The following NCALD variants were observed in gnomAD, a reference collection of about 807,000 sequenced individuals.
NCALD encodes the protein neurocalcin delta.
A neutral mutation model predicts 18.6 loss-of-function variants in NCALD; 10 were observed. The ratio of observed to expected loss-of-function variants is 0.54; its 90% CI spans 0.33 to 0.91. The LOEUF (loss-of-function observed/expected upper bound fraction) is 0.91, where lower values mean the gene tolerates loss of function less well. Ranked by LOEUF, NCALD falls within the 40% of genes least tolerant of loss-of-function variation. The probability of loss-of-function intolerance (pLI) is 0.03; values close to 1 mark genes in which losing one functional copy is unlikely to be tolerated. For synonymous variants in NCALD, 88 were observed against 87.4 expected (o/e 1.01, Z -0.04); for missense variants, 184 against 247.6 (o/e 0.74, Z 1.72).
chr8:101,752,370 T>A (rs187177090), intron 1 of NCALD, among the ~76,000 whole-genome samples: 39 of 152,310 alleles, frequency 2.6e-4, no homozygotes, highest in Non-Finnish European at 4.6e-4. Context: ...GTGGAAGAAT[T>A]AAAAACTAAC....
chr8:101,799,347 A>C (rs1812753099), intron 4 of NCALD, among the ~76,000 whole-genome samples: 1 of 152,234 alleles, frequency 6.6e-6, no homozygotes, highest in Admixed American at 6.5e-5. Flanking sequence ...AAACTAATAA[A>C]GATACTATGA....
At chr8:101,878,428 T>C (rs1816321733) in intron 4 of NCALD, among the ~76,000 whole-genome samples, 1 of 152,230 alleles carries the variant, frequency 6.6e-6, no homozygotes, top group African/African-American at 2.4e-5. Context: ...AGCTGCATAA[T>C]AGAAAGCCAT....
intron 4 of NCALD, among the ~76,000 whole-genome samples, chr8:101,868,397 G>T (rs530653688): frequency 6.6e-6 from 1 of 152,202 alleles, no homozygotes; most frequent in South Asian, 2.1e-4. Context: ...GGGTCGGAAG[G>T]CAGGACACCT....
At chr8:101,797,534 G>A (rs1240725387) in intron 4 of NCALD, among the ~76,000 whole-genome samples, 1 of 152,110 alleles carries the variant, frequency 6.6e-6, no homozygotes, top group African/African-American at 2.4e-5. Context: ...AAATGAATGT[G>A]GAGGCCAAGT....
At chr8:102,080,195 G>A (rs952565735) in intron 1 of NCALD, among the ~76,000 whole-genome samples, 12 of 152,200 alleles carry the variant, frequency 7.9e-5, no homozygotes, top group Middle Eastern at 3.2e-3. Flanking sequence ...GGCAGCCAGC[G>A]GTGTTTGCTA....
At chr8:101,727,782 G>A (rs932530888) in intron 1 of NCALD, among the ~76,000 whole-genome samples, 39 of 152,176 alleles carry the variant, frequency 2.6e-4, no homozygotes, top group African/African-American at 9.4e-4. Flanking sequence ...CTGGCCCTGG[G>A]CCATCTCTGA....
chr8:101,778,722 C>T (rs1196105912), intron 1 of NCALD, among the ~76,000 whole-genome samples: 1 of 152,092 alleles, frequency 6.6e-6, no homozygotes, highest in Non-Finnish European at 1.5e-5. Context: ...AGAGACCTAA[C>T]ATCTCCTAGA....
At chr8:101,936,425 C>A (rs945638582) in intron 2 of NCALD, among the ~76,000 whole-genome samples, 20 of 152,036 alleles carry the variant, frequency 1.3e-4, no homozygotes, top group African/African-American at 4.3e-4. Context: ...AAGGGAGAAA[C>A]AGCCAAGAGG....
intron 1 of NCALD, among the ~76,000 whole-genome samples, chr8:101,731,256 T>C (rs923956063): frequency 2.6e-5 from 4 of 152,074 alleles, no homozygotes; most frequent in African/African-American, 4.8e-5. Flanking sequence ...GGCCAGGTGA[T>C]GTGGGGCCTG....
chr8:101,720,372 TTTC>T (rs1478236801), intron 1 of NCALD, among the ~76,000 whole-genome samples: 7 of 152,216 alleles, frequency 4.6e-5, no homozygotes, highest in African/African-American at 1.2e-4. Context: ...AACTTTGCAT[TTTC>T]TTATCATGGC....
chr8:101,918,881 T>A (rs1818065384), intron 2 of NCALD, among the ~76,000 whole-genome samples: 1 of 151,988 alleles, frequency 6.6e-6, no homozygotes, highest in South Asian at 2.1e-4. Flanking sequence ...GTTAAAACAT[T>A]CCATGCTCAT....
At chr8:101,963,761 G>A (rs1277785523) in intron 2 of NCALD, among the ~76,000 whole-genome samples, 1 of 152,102 alleles carries the variant, frequency 6.6e-6, no homozygotes, top group Non-Finnish European at 1.5e-5. Flanking sequence ...AAATTCAAAT[G>A]AGGGCATCAC....
intron 1 of NCALD, among the ~76,000 whole-genome samples, chr8:102,091,446 G>A (rs1824920646): frequency 6.6e-6 from 1 of 152,196 alleles, no homozygotes; most frequent in Non-Finnish European, 1.5e-5. Context: ...ATCTCTGACT[G>A]CTGCTCAGAA....
chr8:101,900,777 A>G (rs1586724546), intron 3 of NCALD, among the ~76,000 whole-genome samples: 2 of 151,918 alleles, frequency 1.3e-5, no homozygotes, highest in East Asian at 3.8e-4. Context: ...TTTATGGTAT[A>G]TTTTGGTATA....
intron 1 of NCALD, among the ~76,000 whole-genome samples, chr8:101,725,268 G>C (rs1816523228): frequency 1.3e-5 from 2 of 152,208 alleles, no homozygotes; most frequent in Non-Finnish European, 1.5e-5. Context: ...TGAACATCAA[G>C]GGAGAAGAAG....
At chr8:101,800,785 T>C (rs1417799259) in intron 4 of NCALD, among the ~76,000 whole-genome samples, 1 of 147,756 alleles carries the variant, frequency 6.8e-6, no homozygotes, top group Non-Finnish European at 1.5e-5. Flanking sequence ...AGAGGATCAC[T>C]TGAACCCAGG....
intron 4 of NCALD, among the ~76,000 whole-genome samples, chr8:101,868,912 C>T (rs964357544): frequency 6.6e-6 from 1 of 152,182 alleles, no homozygotes; most frequent in African/African-American, 2.4e-5. Context: ...TGTATTTTGT[C>T]TAATTCTTTG....
At chr8:101,759,440 A>G (rs1811023669) in intron 1 of NCALD, among the ~76,000 whole-genome samples, 1 of 152,150 alleles carries the variant, frequency 6.6e-6, no homozygotes, top group Non-Finnish European at 1.5e-5. Flanking sequence ...TGCTTTTAAT[A>G]TCTTGATACA....
intron 1 of NCALD, among the ~76,000 whole-genome samples, chr8:102,078,194 T>A (rs539860953): frequency 6.6e-6 from 1 of 152,218 alleles, no homozygotes; most frequent in East Asian, 1.9e-4. Context: ...CTCTTCTTTT[T>A]ATCACACCAT....
Sources: allele counts gnomAD v4.1 joint callset (sites outside exome capture counted in the v4.1 genomes callset), GRCh38; gene constraint gnomAD v4.1.1; transcripts MANE v1.5; gene names NCBI Gene and HGNC (gene_info 2026-07-23, HGNC 2026-07-21).